Variants in ENKUR observed in about 807,000 individuals in gnomAD.
ENKUR encodes enkurin.
ENKUR carries 19 observed loss-of-function variants against 27.6 expected under a neutral mutation model. That is an observed-to-expected ratio of 0.69 (90% CI 0.48 to 1.01). The LOEUF (loss-of-function observed/expected upper bound fraction) is 1.01. Among genes scored for constraint, ENKUR ranks in the 50% least tolerant of loss-of-function variants. The pLI, the probability that ENKUR is intolerant of heterozygous loss-of-function variation, is 0.00. For synonymous variants in ENKUR, 117 were observed against 96.9 expected (o/e 1.21, Z -1.22); for missense variants, 312 against 310.5 (o/e 1.00, Z -0.04).
chr10:25,001,987 GTTCT>G (rs1198639530), intron 1 of ENKUR, among the ~76,000 whole-genome samples: 3 of 152,012 alleles, frequency 2.0e-5, no homozygotes, highest in Non-Finnish European at 4.4e-5. Context: ...TCTTTCTGGT[GTTCT>G]TTAAATTTCT....
intron 1 of ENKUR, among the ~76,000 whole-genome samples, chr10:25,005,494 A>G (rs961400627): frequency 6.6e-6 from 1 of 152,210 alleles, no homozygotes; most frequent in Non-Finnish European, 1.5e-5. Context: ...CAAAATAGGC[A>G]TCAAGGATTA....
intron 1 of ENKUR, among the ~76,000 whole-genome samples, chr10:25,009,928 ACT>A (rs1477641776): frequency 6.6e-6 from 1 of 151,784 alleles, no homozygotes; most frequent in Non-Finnish European, 1.5e-5. Context: ...TAAATTACCT[ACT>A]CTTGGGTATG....
At chr10:25,037,705 G>A (rs1380620281) in intron 2 of ENKUR, among the ~76,000 whole-genome samples, 1 of 151,678 alleles carries the variant, frequency 6.6e-6, no homozygotes, top group Admixed American at 6.6e-5. Context: ...TCCTTAAAAT[G>A]ACCTCCTAGA....
intron 2 of ENKUR, among the ~76,000 whole-genome samples, chr10:25,043,329 T>C (rs930800202): frequency 6.6e-6 from 1 of 152,202 alleles, no homozygotes; most frequent in African/African-American, 2.4e-5. Context: ...ATATTGTTAG[T>C]TATGCATGTT....
chr10:24,994,364 C>T (rs1451014574), intron 3 of ENKUR, among the ~76,000 whole-genome samples: 6 of 146,316 alleles, frequency 4.1e-5, no homozygotes, highest in Admixed American at 6.9e-5. Flanking sequence ...CACCGAGTCT[C>T]GCTCTGTCAC....
At chr10:25,025,828 T>C (rs565104070) in intron 2 of ENKUR, 74 of 183,808 alleles carry the variant, frequency 4.0e-4, no homozygotes, top group African/African-American at 1.6e-3. Context: ...AACTAGTGAA[T>C]ACTCTGTTGA....
At chr10:25,006,627 T>C (rs1029432860) in intron 1 of ENKUR, among the ~76,000 whole-genome samples, 1 of 152,194 alleles carries the variant, frequency 6.6e-6, no homozygotes, top group African/African-American at 2.4e-5. Context: ...CCATTTGCTT[T>C]GATAGCCTCA....
chr10:25,043,660 T>C (rs371856451), intron 2 of ENKUR, among the ~76,000 whole-genome samples: 138 of 152,278 alleles, frequency 9.1e-4, no homozygotes, highest in Non-Finnish European at 1.5e-3. Context: ...TTTCAGACAC[T>C]ATTTTTTCAA....
rs3050369 is a variant in ENKUR at position 25,039,937 on chromosome 10, TAAA to T, written c.37+21172_37+21174del. On this transcript the variant is annotated intron_variant, in intron 2 of 5. Transcript: ENST00000615958. ...ACATGTACCCTAGAACTTAAAGTAT[TAAA>T]AAAAAAAAAAAAAAAGTAGCTTCAC... 5.8e-3 allele frequency among the ~76,000 whole-genome samples: 796 copies of T among 137,250 alleles called. 10 individuals carry two copies. The highest frequency in any genetic ancestry group is 0.016 in the African/African-American group (574 of 36,700). 90.0% of individuals were successfully genotyped at this position (137,250 alleles called of 152,430 possible).
At position 24,988,700 on chromosome 10, in the gene ENKUR, A is replaced by G. The variant is rs28610506; in HGVS notation, c.594+1763T>C. ...TATATATATATATATATATATATAT[A>G]TATATATATATATATATATATATAT... On this transcript the variant is annotated intron_variant, in intron 4 of 5. Coordinates refer to ENST00000331161, the MANE Select transcript of ENKUR (RefSeq NM_145010.4). Among the ~76,000 whole-genome samples, 127 of 34,462 alleles carry G rather than the reference A, an allele frequency of 3.7e-3. 7 individuals carry two copies. Among genetic ancestry groups the G allele is most frequent in the African/African-American group, 0.016 (103 of 6,294 alleles). The allele number at this position is 34,462 out of a possible 152,430, so 22.6% of individuals were successfully genotyped here.
intron 2 of ENKUR, among the ~76,000 whole-genome samples, chr10:25,060,011 T>C (rs549767872): frequency 3.0e-3 from 461 of 152,246 alleles, no homozygotes; most frequent in Non-Finnish European, 4.5e-3. Context: ...TAATCCCTGT[T>C]CCTAATCCCT....
intron 2 of ENKUR, among the ~76,000 whole-genome samples, chr10:25,053,690 A>C (rs1851214292): frequency 6.6e-6 from 1 of 152,186 alleles, no homozygotes; most frequent in African/African-American, 2.4e-5. Flanking sequence ...TTATTCAATT[A>C]ATTTTCTGTT....
chr10:25,014,230 C>T (rs929478555), intron 1 of ENKUR, among the ~76,000 whole-genome samples: 6 of 152,114 alleles, frequency 3.9e-5, no homozygotes, highest in African/African-American at 7.2e-5. Context: ...CCCAAAAAGA[C>T]GGTAAACTCT....
At position 24,983,599 on chromosome 10, in the gene ENKUR, CA is replaced by C. The variant is rs1474155170; in HGVS notation, c.*770del. ...TAAAGATACTCATATGGACAAGTTT[CA>C]AGTGAATTTTCAAAAAATAATTGTA... On this transcript the variant is annotated 3_prime_UTR_variant, in exon 6 of 6. Transcript: ENST00000331161. 1 of 152,104 alleles carries C rather than the reference CA, an allele frequency of 6.6e-6. No individual in the cohort carries two copies. Among genetic ancestry groups the C allele is most frequent in the Non-Finnish European group, 1.5e-5 (1 of 68,014 alleles). 9.4% of individuals were successfully genotyped at this position (152,104 alleles called of 1,614,324 possible).
At chr10:25,014,062 A>C (rs1850510748) in intron 1 of ENKUR, among the ~76,000 whole-genome samples, 1 of 152,220 alleles carries the variant, frequency 6.6e-6, no homozygotes, top group Admixed American at 6.5e-5. Flanking sequence ...ATTGACTCTG[A>C]GGCTTTCATA....
intron 2 of ENKUR, among the ~76,000 whole-genome samples, chr10:25,036,357 A>G (rs1377626567): frequency 6.6e-6 from 1 of 152,196 alleles, no homozygotes; most frequent in Non-Finnish European, 1.5e-5. Context: ...TGCCAGAATT[A>G]TGAGGCTTCC....
chr10:25,017,988 T>A (rs1850641650), upstream of ENKUR, among the ~76,000 whole-genome samples: 1 of 152,230 alleles, frequency 6.6e-6, no homozygotes, highest in South Asian at 2.1e-4. Context: ...TTTGTGTTAA[T>A]CAGTTCCTGA....
At chr10:25,005,425 C>T (rs1335895730) in intron 1 of ENKUR, among the ~76,000 whole-genome samples, 1 of 152,134 alleles carries the variant, frequency 6.6e-6, no homozygotes, top group Admixed American at 6.5e-5. Flanking sequence ...AATGATATTA[C>T]TCAAAAAGCT....
chr10:25,030,167 A>G (rs944114659), intron 2 of ENKUR, among the ~76,000 whole-genome samples: 8 of 151,932 alleles, frequency 5.3e-5, no homozygotes, highest in Non-Finnish European at 2.9e-5. Context: ...TTCTATTCAC[A>G]TTGTCCTTCC....
Sources: allele counts gnomAD v4.1 joint callset (sites outside exome capture counted in the v4.1 genomes callset), GRCh38; gene constraint gnomAD v4.1.1; transcripts MANE v1.5; gene names NCBI Gene and HGNC (gene_info 2026-07-23, HGNC 2026-07-21).